The following PRKCB variants were observed in gnomAD, a reference collection of about 807,000 sequenced individuals.
The protein encoded by PRKCB is protein kinase C beta type.
Under a neutral mutation model 81.5 loss-of-function variants are expected in PRKCB, and 13 were observed. That is an observed-to-expected ratio of 0.16 (90% CI 0.10 to 0.25). PRKCB has a LOEUF of 0.25. Among genes scored for constraint, PRKCB ranks in the 10% least tolerant of loss-of-function variants. The pLI is 1.00. For synonymous variants in PRKCB, 335 were observed against 321.4 expected, an observed-to-expected ratio of 1.04 and a Z score of -0.45; for missense variants, 509 against 875.7, an observed-to-expected ratio of 0.58 and a Z score of 5.29.
chr16:23,874,407 C>T (rs11640248), intron 2 of PRKCB, among the ~76,000 whole-genome samples: 12,504 of 152,136 alleles, frequency 0.082, 662 homozygotes, highest in South Asian at 0.21. Flanking sequence ...CTACAGGGGC[C>T]AGGCAACTGT....
chr16:23,891,329 AG>A (rs758794698), intron 2 of PRKCB, among the ~76,000 whole-genome samples: 13 of 152,246 alleles, frequency 8.5e-5, no homozygotes, highest in Admixed American at 2.0e-4. Context: ...CTGGAAATAC[AG>A]GCATGAGACA....
At chr16:24,085,779 C>T (rs1217430854) in intron 5 of PRKCB, among the ~76,000 whole-genome samples, 1 of 152,200 alleles carries the variant, frequency 6.6e-6, no homozygotes, top group African/African-American at 2.4e-5. Context: ...GAGGTCTAGC[C>T]ATTGCTAACT....
At chr16:24,035,277 A>G (rs1965599669) in intron 4 of PRKCB, 142 bp from the exon 5 acceptor site, 1 of 1,039,806 alleles carries the variant, frequency 9.6e-7, no homozygotes, top group Non-Finnish European at 1.4e-6. Flanking sequence ...CTGGCAGGCA[A>G]GTTGGTCTCA....
chr16:24,178,098 C>G (rs987154333), intron 12 of PRKCB, among the ~76,000 whole-genome samples: 3 of 152,152 alleles, frequency 2.0e-5, no homozygotes, highest in Non-Finnish European at 4.4e-5. Flanking sequence ...TAAATCTCTA[C>G]TTAATTGAAC....
chr16:24,170,370 A>G lies in PRKCB; in HGVS notation c.1240-1900A>G, dbSNP rs867580120. Among the ~76,000 whole-genome samples, 5 of 152,194 alleles carry G rather than the reference A, an allele frequency of 3.3e-5. No homozygotes were observed. In the South Asian group the frequency reaches 1.0e-3, roughly 32 times the overall value. ...AAAAGAAAAAAGCCCACAGGCTTTC[A>G]TGAAAGAGTATAACGGCAGACCTAA... On this transcript the variant is annotated intron_variant, in intron 10 of 16. Coordinates refer to ENST00000643927, the MANE Select transcript of PRKCB (RefSeq NM_002738.7).
chr16:23,838,289 T>A (rs959535990), intron 2 of PRKCB, among the ~76,000 whole-genome samples: 1 of 152,208 alleles, frequency 6.6e-6, no homozygotes, highest in African/African-American at 2.4e-5. Flanking sequence ...GGTCTCACTT[T>A]CGCTTGAAAA....
At chr16:24,000,111 G>T (rs73540967) in intron 3 of PRKCB, among the ~76,000 whole-genome samples, 8,735 of 152,224 alleles carry the variant, frequency 0.057, 818 homozygotes, top group African/African-American at 0.2. Flanking sequence ...CTCTGGCCAA[G>T]TCCAGATTCA....
chr16:24,170,699 T>G (rs1333991305), intron 10 of PRKCB, among the ~76,000 whole-genome samples: 1 of 152,242 alleles, frequency 6.6e-6, no homozygotes, highest in Non-Finnish European at 1.5e-5. Flanking sequence ...TATCTCCTCT[T>G]GACACACAAG....
At chr16:23,931,393 C>T (rs1963972822) in intron 2 of PRKCB, among the ~76,000 whole-genome samples, 1 of 152,150 alleles carries the variant, frequency 6.6e-6, no homozygotes, top group South Asian at 2.1e-4. Flanking sequence ...TTAAAATAGC[C>T]TGAGCTCACT....
intron 2 of PRKCB, among the ~76,000 whole-genome samples, chr16:23,878,228 A>G (rs79267841): frequency 0.012 from 1,779 of 152,318 alleles, 37 homozygotes; most frequent in African/African-American, 0.039. Context: ...GGTGAAATAC[A>G]AAGTTGGGTT....
chr16:24,107,923 A>G (rs1966599005), intron 7 of PRKCB, among the ~76,000 whole-genome samples: 1 of 152,230 alleles, frequency 6.6e-6, no homozygotes, highest in Non-Finnish European at 1.5e-5. Context: ...GGGCATAAAT[A>G]ATATTGAATT....
intron 5 of PRKCB, among the ~76,000 whole-genome samples, chr16:24,036,126 T>C (rs1965615007): frequency 6.6e-6 from 1 of 152,156 alleles, no homozygotes; most frequent in Non-Finnish European, 1.5e-5. Context: ...ATTCTCTATA[T>C]TTTCTGCATG....
intron 3 of PRKCB, among the ~76,000 whole-genome samples, chr16:24,021,014 TTC>T (rs1218109739): frequency 7.1e-6 from 1 of 140,962 alleles, no homozygotes; most frequent in Non-Finnish European, 1.5e-5. Context: ...CTTTCTTTCT[TTC>T]TTTCTTTCTT....
intron 2 of PRKCB, among the ~76,000 whole-genome samples, chr16:23,916,596 T>G (rs1474410219): frequency 6.6e-6 from 1 of 152,182 alleles, no homozygotes; most frequent in Admixed American, 6.5e-5. Context: ...TAATACCAAT[T>G]TATTGTGTAT....
intron 3 of PRKCB, 39 bp from the exon 4 acceptor site, chr16:24,032,097 A>G: frequency 6.9e-7 from 1 of 1,452,508 alleles, no homozygotes; most frequent in East Asian, 2.3e-5. Context: ...GGCATGCTCC[A>G]CTGACGCTGG....
chr16:24,005,122 G>C (rs905748784), intron 3 of PRKCB, among the ~76,000 whole-genome samples: 1 of 151,748 alleles, frequency 6.6e-6, no homozygotes, highest in African/African-American at 2.4e-5. Flanking sequence ...CAAACTATAT[G>C]CTTAAACTCT....
At chr16:23,843,089 T>A (rs969925625) in intron 2 of PRKCB, among the ~76,000 whole-genome samples, 3 of 152,178 alleles carry the variant, frequency 2.0e-5, no homozygotes, top group Non-Finnish European at 4.4e-5. Context: ...GTAATTAACA[T>A]GTGTAGATTA....
At chr16:23,999,264 A>G (rs1320872845) in intron 3 of PRKCB, among the ~76,000 whole-genome samples, 2 of 152,152 alleles carry the variant, frequency 1.3e-5, no homozygotes, top group Non-Finnish European at 2.9e-5. Flanking sequence ...GCAGAAACAC[A>G]CAGGCGGTGA....
chr16:23,870,590 A>G (rs1049559614), intron 2 of PRKCB, among the ~76,000 whole-genome samples: 1 of 152,234 alleles, frequency 6.6e-6, no homozygotes, highest in Non-Finnish European at 1.5e-5. Context: ...CGAAGCCATT[A>G]GGTGCTTCAC....
Sources: allele counts gnomAD v4.1 joint callset (sites outside exome capture counted in the v4.1 genomes callset), GRCh38; gene constraint gnomAD v4.1.1; transcripts MANE v1.5; gene names NCBI Gene and HGNC (gene_info 2026-07-23, HGNC 2026-07-21).